GYS2: variants seen among roughly 807,000 people sequenced by gnomAD.
The protein encoded by GYS2 is glycogen [starch] synthase, liver.
GYS2 carries 80 observed loss-of-function variants against 85.6 expected under a neutral mutation model. That is an observed-to-expected ratio of 0.93 (90% CI 0.78 to 1.13). The LOEUF (loss-of-function observed/expected upper bound fraction) is 1.13, where lower values mean the gene tolerates loss of function less well. GYS2 is among the 50% of genes most tolerant of loss of function. The pLI, the probability that GYS2 is intolerant of heterozygous loss-of-function variation, is 0.00. For missense variants in GYS2, 881 were observed against 854.9 expected, an observed-to-expected ratio of 1.03 and a Z score of -0.38; for synonymous variants, 328 against 300.7, an observed-to-expected ratio of 1.09 and a Z score of -0.94.
At chr12:21,553,362 C>T (rs1187327718) in intron 11 of GYS2, among the ~76,000 whole-genome samples, 7 of 152,236 alleles carry the variant, frequency 4.6e-5, no homozygotes, top group African/African-American at 1.4e-4. Context: ...TGGACTTAGT[C>T]TGCTGCCTTC....
chr12:21,546,912 G>T (rs375144990), intron 11 of GYS2, among the ~76,000 whole-genome samples: 3 of 152,158 alleles, frequency 2.0e-5, no homozygotes, highest in African/African-American at 7.2e-5. Flanking sequence ...TTATTCAACT[G>T]AAATGGAACT....
At chr12:21,562,489 G>T (rs1486865180) in intron 7 of GYS2, among the ~76,000 whole-genome samples, 1 of 152,164 alleles carries the variant, frequency 6.6e-6, no homozygotes, top group African/African-American at 2.4e-5. Flanking sequence ...ATTGTCATGT[G>T]CATAAGCCAC....
chr12:21,593,947 A>C (rs1412571492), intron 1 of GYS2, among the ~76,000 whole-genome samples: 1 of 152,058 alleles, frequency 6.6e-6, no homozygotes, highest in Admixed American at 6.6e-5. Context: ...GGGTTGCAAG[A>C]ACAGTTCAAA....
At position 21,557,986 on chromosome 12, in the gene GYS2, T is replaced by C. The variant is rs568712945; in HGVS notation, c.1422+214A>G. On this transcript the variant is annotated intron_variant, in intron 11 of 15. Transcript: ENST00000261195. The stretch of plus-strand genomic sequence containing the variant: ...ACAGTGGAAATAAATGCTAGAATTG[T>C]AGCTCAAAGCTATGAATATGCTTCA... 5.8e-4 allele frequency among the ~76,000 whole-genome samples: 89 copies of C among 152,332 alleles called. 2 individuals are homozygous for C. In the South Asian group the frequency reaches 0.017, roughly 29 times the overall value.
chr12:21,564,088 G>A (rs184559642), intron 5 of GYS2, among the ~76,000 whole-genome samples: 5 of 152,166 alleles, frequency 3.3e-5, no homozygotes, highest in African/African-American at 7.2e-5. Context: ...GGACCACTCT[G>A]AGCATATGAC....
intron 1 of GYS2, among the ~76,000 whole-genome samples, chr12:21,597,663 T>G (rs373118726): frequency 6.6e-6 from 1 of 152,036 alleles, no homozygotes; most frequent in Admixed American, 6.6e-5. Context: ...AGCTAAAAAT[T>G]GAACTATCAT....
chr12:21,558,239 T>C lies in GYS2; in HGVS notation c.1383A>G (p.Arg461=). The change falls in exon 11 of 16, where the codon AGA becomes AGG. Residue 461 remains arginine (R), a synonymous_variant. Transcript: ENST00000261195. ...TGCGGTTGTTGAAAAGTCCAATCCG[T>C]CTAATGGTGCTGAGGATGGGGTCGG... ...DSTDPILSTI[R]RIGLFNNRTD... 4 of 1,613,862 alleles carry C rather than the reference T, an allele frequency of 2.5e-6. No homozygotes were observed. Among genetic ancestry groups the C allele is most frequent in the Non-Finnish European group, 3.4e-6 (4 of 1,179,742 alleles).
chr12:21,537,900 G>C (rs1032907496), intron 15 of GYS2, among the ~76,000 whole-genome samples: 4 of 152,126 alleles, frequency 2.6e-5, no homozygotes, highest in African/African-American at 9.7e-5. Flanking sequence ...AGACAGATGT[G>C]TAAAAGTGTT....
At chr12:21,582,406 A>G (rs1242463227) in intron 1 of GYS2, among the ~76,000 whole-genome samples, 2 of 152,148 alleles carry the variant, frequency 1.3e-5, no homozygotes, top group African/African-American at 4.8e-5. Flanking sequence ...ATCCCAGCCT[A>G]CATTTTTCTC....
At chr12:21,596,895 A>G (rs1944702660) in intron 1 of GYS2, among the ~76,000 whole-genome samples, 1 of 152,188 alleles carries the variant, frequency 6.6e-6, no homozygotes, top group South Asian at 2.1e-4. Flanking sequence ...AAAATAATTC[A>G]GCAAAGTTTC....
chr12:21,562,864 C>T (rs1944271472), intron 7 of GYS2, 54 bp downstream of exon 7: 4 of 1,601,244 alleles, frequency 2.5e-6, no homozygotes, highest in Non-Finnish European at 3.4e-6. Context: ...TCACTTCCCA[C>T]AGAAGAAAGT....
intron 11 of GYS2, among the ~76,000 whole-genome samples, chr12:21,556,751 C>T (rs917082775): frequency 6.6e-6 from 1 of 152,174 alleles, no homozygotes; most frequent in African/African-American, 2.4e-5. Flanking sequence ...GGCTATTATT[C>T]TTGAATTTTC....
intron 1 of GYS2, among the ~76,000 whole-genome samples, chr12:21,596,174 A>G (rs1278831792): frequency 6.6e-6 from 1 of 152,148 alleles, no homozygotes; most frequent in Non-Finnish European, 1.5e-5. Flanking sequence ...TCTACTAGAC[A>G]TTCAAAGAGG....
intron 15 of GYS2, chr12:21,537,493 A>G (rs1943924168): frequency 2.0e-5 from 7 of 342,958 alleles, no homozygotes; most frequent in South Asian, 2.0e-4. Context: ...GGGTCAAGTA[A>G]CTTGCCCAAC....
At chr12:21,572,556 C>T (rs1944398793) in intron 4 of GYS2, among the ~76,000 whole-genome samples, 1 of 152,142 alleles carries the variant, frequency 6.6e-6, no homozygotes, top group South Asian at 2.1e-4. Context: ...TTCTTGACTG[C>T]TTGTTGTCTA....
chr12:21,575,781 C>T, intron 3 of GYS2, 85 bp downstream of exon 3: 1 of 1,037,588 alleles, frequency 9.6e-7, no homozygotes, highest in Non-Finnish European at 1.5e-6. Context: ...CAAAATCTGC[C>T]TCATTTAAAG....
chr12:21,590,467 C>T (rs1449482458), intron 1 of GYS2, among the ~76,000 whole-genome samples: 1 of 152,226 alleles, frequency 6.6e-6, no homozygotes, highest in African/African-American at 2.4e-5. Flanking sequence ...CCTGCATGTG[C>T]CACCTGTGGG....
chr12:21,546,485 T>C lies in GYS2; in HGVS notation c.1423-15A>G, dbSNP rs766036511. 1 of 1,566,972 alleles carries C rather than the reference T, an allele frequency of 6.4e-7. No individual in the cohort carries two copies. The stretch of plus-strand genomic sequence containing the variant: ...TGCAAAATCACCTAAAAAAGGAAAA[T>C]TCTAATTTAAAAAAAAAGAAAAAGG... On this transcript the variant is annotated splice_polypyrimidine_tract_variant and intron_variant, in intron 11 of 15. Coordinates refer to ENST00000261195, the MANE Select transcript of GYS2 (RefSeq NM_021957.4).
intron 1 of GYS2, among the ~76,000 whole-genome samples, chr12:21,600,606 A>T (rs1944745336): frequency 6.6e-6 from 1 of 152,200 alleles, no homozygotes; most frequent in Non-Finnish European, 1.5e-5. Flanking sequence ...GCCTAGTATT[A>T]AACTTTAGAG....
Sources: gnomAD v4.1 joint callset for allele counts (sites outside exome capture counted in the v4.1 genomes callset) on GRCh38, gnomAD v4.1.1 for gene constraint, MANE v1.5 for transcripts, NCBI Gene and HGNC (gene_info 2026-07-23, HGNC 2026-07-21) for gene names.